Variants in PRDM16 observed in about 807,000 individuals in gnomAD.
PRDM16 encodes the protein PR/SET domain 16, also known as histone-lysine N-methyltransferase PRDM16.
In PRDM16, 23 loss-of-function variants were observed where a neutral mutation model predicts 110.6. The observed-to-expected ratio is 0.21, with a 90% confidence interval of 0.15 to 0.29. The LOEUF is 0.29. PRDM16 is among the 10% of genes least tolerant of loss of function. PRDM16 has a pLI of 1.00. For missense variants in PRDM16, 1,615 were observed against 1,794.3 expected (o/e 0.90, Z 1.81); for synonymous variants, 799 against 781.8 (o/e 1.02, Z -0.37).
chr1:3,383,569 A>G (rs1643142803), intron 3 of PRDM16, among the ~76,000 whole-genome samples: 1 of 152,102 alleles, frequency 6.6e-6, no homozygotes, highest in South Asian at 2.1e-4. Context: ...ATTGGTGCCG[A>G]CGTTTAACTT....
chr1:3,084,725 G>A (rs1311688715), intron 1 of PRDM16, among the ~76,000 whole-genome samples: 1 of 152,106 alleles, frequency 6.6e-6, no homozygotes, highest in Admixed American at 6.5e-5. Context: ...ACACAGTGGG[G>A]CAGAAAAACG....
At chr1:3,142,137 C>T (rs554523741) in intron 1 of PRDM16, among the ~76,000 whole-genome samples, 81 of 152,382 alleles carry the variant, frequency 5.3e-4, no homozygotes, top group South Asian at 3.5e-3. Context: ...CGGCTCCCCC[C>T]GTCCAGGGCC....
chr1:3,160,293 T>G (rs207199), intron 1 of PRDM16, among the ~76,000 whole-genome samples: 89,478 of 151,978 alleles, frequency 0.59, 27,717 homozygotes, highest in African/African-American at 0.79. Context: ...TGGTGTGGGA[T>G]CATTTGCGCC....
intron 1 of PRDM16, among the ~76,000 whole-genome samples, chr1:3,086,962 AAAG>A (rs1642165672): frequency 6.6e-6 from 1 of 152,196 alleles, no homozygotes; most frequent in Non-Finnish European, 1.5e-5. Flanking sequence ...TAGAAAAAGA[AAAG>A]AAGGAGTGAA....
At chr1:3,377,552 G>A (rs1643014814) in intron 3 of PRDM16, among the ~76,000 whole-genome samples, 1 of 152,330 alleles carries the variant, frequency 6.6e-6, no homozygotes, top group African/African-American at 2.4e-5. Flanking sequence ...TATGAGCTGG[G>A]GGAGCTGCCC....
At chr1:3,092,281 G>A (rs998411162) in intron 1 of PRDM16, among the ~76,000 whole-genome samples, 2 of 150,902 alleles carry the variant, frequency 1.3e-5, no homozygotes, top group African/African-American at 4.9e-5. Context: ...AGGCACGAGG[G>A]CTGCTCTTCG....
intron 2 of PRDM16, among the ~76,000 whole-genome samples, chr1:3,205,091 G>A (rs904934627): frequency 1.1e-4 from 16 of 151,990 alleles, no homozygotes; most frequent in Non-Finnish European, 4.4e-5. Flanking sequence ...TCCCCTTCCC[G>A]GGAAGGGTGG....
intron 3 of PRDM16, among the ~76,000 whole-genome samples, chr1:3,364,440 C>T (rs978642817): frequency 6.6e-6 from 1 of 152,168 alleles, no homozygotes; most frequent in Non-Finnish European, 1.5e-5. Context: ...GAGGTTAACA[C>T]GGTGACACCC....
chr1:3,251,686 G>C (rs10909910), intron 3 of PRDM16, among the ~76,000 whole-genome samples: 132,197 of 152,180 alleles, frequency 0.87, 58,842 homozygotes, highest in Non-Finnish European at 0.96. Flanking sequence ...AGGGGAGGCC[G>C]TGCAGACAGG....
At chr1:3,357,868 C>A (rs957598705) in intron 3 of PRDM16, among the ~76,000 whole-genome samples, 12 of 152,216 alleles carry the variant, frequency 7.9e-5, no homozygotes, top group African/African-American at 2.4e-4. Context: ...CAGGACAGGT[C>A]CCACAGCAGG....
At chr1:3,282,995 T>C (rs530864840) in intron 3 of PRDM16, among the ~76,000 whole-genome samples, 2 of 152,338 alleles carry the variant, frequency 1.3e-5, no homozygotes, top group Admixed American at 1.3e-4. Flanking sequence ...CATCTTTCAG[T>C]GCAGAGTCAA....
chr1:3,286,573 A>C (rs12565013), intron 3 of PRDM16, among the ~76,000 whole-genome samples: 10,710 of 152,206 alleles, frequency 0.07, 639 homozygotes, highest in East Asian at 0.3. Context: ...AGAAAGAAGA[A>C]GACATGGACC....
rs1643492588 is a variant in PRDM16 at position 3,402,662 on chromosome 1, T to C, written c.677-129T>C. The C allele has an allele frequency of 6.7e-6, 5 of 744,132 alleles. No homozygotes were observed. The South Asian group carries it at 8.6e-5, about 13-fold the overall frequency. The allele number at this position is 744,132 out of a possible 1,614,324, so 46.1% of individuals were successfully genotyped here. ...CAAGTTGAAGGCTGGAAGGAAGCAG[T>C]GCAGGACTGGCCAGCCTGGGTGCAG... On this transcript the variant is annotated intron_variant, in intron 5 of 16. Coordinates refer to ENST00000270722, the MANE Select transcript of PRDM16 (RefSeq NM_022114.4).
chr1:3,163,542 C>T lies in PRDM16; in HGVS notation c.38-22583C>T, dbSNP rs140083227. ...GCGGCGTTAGCTTCCTGGGGAGGTC[C>T]TAACCGGGTACCCCAGCCTGAGTGG... On this transcript the variant is annotated intron_variant, in intron 1 of 16. Transcript: ENST00000270722. Among the ~76,000 whole-genome samples, 890 of 152,322 alleles carry T rather than the reference C, an allele frequency of 5.8e-3. 7 individuals carry two copies. Among genetic ancestry groups the T allele is most frequent in the African/African-American group, 0.021 (860 of 41,576 alleles).
chr1:3,377,049 A>C (rs114911745), intron 3 of PRDM16, among the ~76,000 whole-genome samples: 1 of 152,246 alleles, frequency 6.6e-6, no homozygotes, highest in Non-Finnish European at 1.5e-5. Flanking sequence ...ACTCGTGGAC[A>C]CCATCAATTG....
At chr1:3,110,742 G>A (rs930042595) in intron 1 of PRDM16, among the ~76,000 whole-genome samples, 1 of 152,252 alleles carries the variant, frequency 6.6e-6, no homozygotes, top group Admixed American at 6.5e-5. Flanking sequence ...GCATCTCTGA[G>A]TTGTGGGCTT....
At chr1:3,403,943 G>A (rs1443215374) in intron 6 of PRDM16, among the ~76,000 whole-genome samples, 1 of 152,196 alleles carries the variant, frequency 6.6e-6, no homozygotes, top group East Asian at 1.9e-4. Flanking sequence ...AAACGTTTGG[G>A]CAAATCCCAA....
At chr1:3,429,048 C>T (rs550987090) in intron 14 of PRDM16, among the ~76,000 whole-genome samples, 4 of 152,212 alleles carry the variant, frequency 2.6e-5, no homozygotes, top group Non-Finnish European at 5.9e-5. Context: ...ATAGGAGGGC[C>T]GAAGAGTGCC....
chr1:3,432,639 C>T (rs1255949710), intron 16 of PRDM16, among the ~76,000 whole-genome samples: 1 of 152,230 alleles, frequency 6.6e-6, no homozygotes, highest in Non-Finnish European at 1.5e-5. Context: ...GGCCCCAGGG[C>T]CCTGCTCCCG....
Sources: allele counts gnomAD v4.1 joint callset (sites outside exome capture counted in the v4.1 genomes callset), GRCh38; gene constraint gnomAD v4.1.1; transcripts MANE v1.5; gene names NCBI Gene and HGNC (gene_info 2026-07-23, HGNC 2026-07-21).